NF1: variants seen among roughly 807,000 people sequenced by gnomAD.
The protein encoded by NF1 is neurofibromin 1.
Under a neutral mutation model 325.7 loss-of-function variants are expected in NF1, and 122 were observed. The observed-to-expected ratio is 0.37, with a 90% CI of 0.32 to 0.44. The LOEUF (loss-of-function observed/expected upper bound fraction) is 0.44, where lower values mean the gene tolerates loss of function less well. NF1 is among the 20% of genes least tolerant of loss of function. NF1 has a pLI of 1.00. For missense variants in NF1, 2,140 were observed against 3,415.4 expected (o/e 0.63, Z 9.31); for synonymous variants, 1,091 against 1,186.0 (o/e 0.92, Z 1.65).
chr17:31,305,670 G>A (rs748094180), intron 36 of NF1: 20 of 1,516,382 alleles, frequency 1.3e-5, no homozygotes, highest in East Asian at 4.5e-5. Context: ...ACAGTTAGGC[G>A]TCATTGGTGT....
chr17:31,154,121 G>A (rs939586749), intron 1 of NF1, among the ~76,000 whole-genome samples: 3 of 133,314 alleles, frequency 2.3e-5, no homozygotes, highest in Non-Finnish European at 4.6e-5. Flanking sequence ...GCAGTGGTGC[G>A]ATCTCAGCTC....
intron 11 of NF1, among the ~76,000 whole-genome samples, chr17:31,203,132 G>A (rs2066559737): frequency 6.6e-6 from 1 of 152,148 alleles, no homozygotes; most frequent in Non-Finnish European, 1.5e-5. Flanking sequence ...TGGCACTGCT[G>A]TAAGTGGCTG....
rs180817786 is a variant in NF1, at chr17:31,305,291, T to C, written c.4836-20529T>C. 4.8e-5 allele frequency: 78 copies of C among 1,614,128 alleles called. No individual in the cohort carries two copies. The East Asian group carries it at 9.1e-4, about 19-fold the overall frequency. ...GTGTTGGCTATTGGTGTTGGTTGTT[T>C]GGTGTTGTAGGCAAGTGGTTGTCCA... On this transcript the variant is annotated intron_variant, in intron 36 of 57. Coordinates refer to ENST00000358273, the MANE Select transcript of NF1 (RefSeq NM_001042492.3).
At chr17:31,184,973 G>A (rs1035533021) in intron 8 of NF1, among the ~76,000 whole-genome samples, 1 of 152,154 alleles carries the variant, frequency 6.6e-6, no homozygotes, top group Non-Finnish European at 1.5e-5. Context: ...TGAAGCTGGG[G>A]ACTCTGAGTT....
At chr17:31,319,211 A>G (rs2069113612) in intron 36 of NF1, among the ~76,000 whole-genome samples, 1 of 152,202 alleles carries the variant, frequency 6.6e-6, no homozygotes, top group South Asian at 2.1e-4. Context: ...GAAGCATTTT[A>G]ATTTCTATTA....
rs2144026520 is a variant in NF1, at chr17:31,225,152, C to T, written c.1903C>T (p.Pro635Ser). ...TTTTTACGGGGTAGGATGTGATATT[C>T]CTTCTAGTGGAAATACCAGTCAAAT... is the stretch of plus-strand genomic sequence containing the variant. ...LLFYGVGCDI[P>S]SSGNTSQMSM... is the part of the protein sequence containing the mutation. Residue 635 changes from proline (P) to serine (S), a missense_variant, in exon 17 of 58, where the codon CCT becomes TCT. Pro to Ser is a moderately conservative substitution (Grantham distance 74). Transcript: ENST00000358273. 6.2e-7 allele frequency: 1 copy of T among 1,613,580 alleles called. No individual in the cohort carries two copies.
At chr17:31,222,642 A>G (rs2066945843) in intron 15 of NF1, 1 of 528,102 alleles carries the variant, frequency 1.9e-6, no homozygotes, top group Non-Finnish European at 2.5e-6. Context: ...GAAGCAGGTA[A>G]AATTAATTGT....
chr17:31,304,555 C>G, intron 36 of NF1: 1 of 1,614,178 alleles, frequency 6.2e-7, no homozygotes, highest in Non-Finnish European at 8.5e-7. Context: ...AGATTGGTTA[C>G]TTTCCTGTCC....
At position 31,243,214 on chromosome 17, in the gene NF1, T is replaced by TGTGTGTGTGTGTGTGTGTGTGTGTGTG. The variant is rs1369781933; in HGVS notation, c.3975-5769_3975-5768insTGTGTGTGTGTGTGTGTGTGTGTGTGG. Among the ~76,000 whole-genome samples, 201 of 70,544 alleles carry TGTGTGTGTGTGTGTGTGTGTGTGTGTG rather than the reference T, an allele frequency of 2.8e-3. 1 individual carries two copies. The highest frequency in any genetic ancestry group is 0.012 in the African/African-American group (191 of 16,370). 46.3% of individuals were successfully genotyped at this position (70,544 alleles called of 152,430 possible). The stretch of plus-strand genomic sequence containing the variant: ...TGTGTGTGTGTGTGTGTGTGTGTGT[T>TGTGTGTGTGTGTGTGTGTGTGTGTGTG]GAGCTGCCTGGAGCTGGGGGAGGGG... On this transcript the variant is annotated intron_variant, in intron 29 of 57. Coordinates refer to ENST00000358273, the MANE Select transcript of NF1 (RefSeq NM_001042492.3).
chr17:31,200,345 A>C lies in NF1; in HGVS notation c.889-77A>C, dbSNP rs2066503662. On this transcript the variant is annotated intron_variant, in intron 8 of 57. Coordinates refer to ENST00000358273, the MANE Select transcript of NF1 (RefSeq NM_001042492.3). ...ATAGTATGAGTTTTAGAGGCTGTTA[A>C]TTTGCTATAATATTAGCTACATCTG... 11 of 1,394,454 alleles carry C rather than the reference A, an allele frequency of 7.9e-6. 2 individuals are homozygous for C. The South Asian group carries it at 1.3e-4, about 17-fold the overall frequency. 86.4% of individuals were successfully genotyped at this position (1,394,454 alleles called of 1,614,324 possible).
chr17:31,120,684 G>T lies in NF1; in HGVS notation c.60+25315G>T, dbSNP rs555480245. 2.6e-5 allele frequency among the ~76,000 whole-genome samples: 4 copies of T among 151,786 alleles called. No homozygotes were observed. The South Asian group carries it at 8.3e-4, about 32-fold the overall frequency. On this transcript the variant is annotated intron_variant, in intron 1 of 57. Transcript: ENST00000358273. ...AGAGAAGGCATCCTTGTCTTGTGCCGGTTTTCAAAGGGAATGCTTCCAGTT... is the reference window on the plus strand; with the variant it reads ...AGAGAAGGCATCCTTGTCTTGTGCCTGTTTTCAAAGGGAATGCTTCCAGTT...
chr17:31,226,057 T>G (rs2067006600), intron 17 of NF1, among the ~76,000 whole-genome samples: 1 of 152,180 alleles, frequency 6.6e-6, no homozygotes, highest in African/African-American at 2.4e-5. Flanking sequence ...CCTCTTTTTT[T>G]GTCATTTCTA....
At chr17:31,242,658 G>A (rs537697435) in intron 29 of NF1, among the ~76,000 whole-genome samples, 2 of 152,024 alleles carry the variant, frequency 1.3e-5, no homozygotes, top group African/African-American at 2.4e-5. Flanking sequence ...CAATCTCTTC[G>A]TTAAATTTAT....
intron 5 of NF1, among the ~76,000 whole-genome samples, chr17:31,170,577 A>G (rs1172940584): frequency 1.3e-5 from 2 of 152,214 alleles, no homozygotes; most frequent in African/African-American, 2.4e-5. Flanking sequence ...TGGGGATATT[A>G]TAACACCTAA....
chr17:31,318,899 T>C, intron 36 of NF1: 2 of 1,614,126 alleles, frequency 1.2e-6, no homozygotes, highest in African/African-American at 1.3e-5. Context: ...GAAGAAGTAC[T>C]GTTAGCCCAC....
At chr17:31,335,710 G>T (rs528430647) in intron 40 of NF1, among the ~76,000 whole-genome samples, 3 of 151,448 alleles carry the variant, frequency 2.0e-5, no homozygotes, top group Non-Finnish European at 4.4e-5. Flanking sequence ...ACTGAGTCTC[G>T]CTCTGTCACC....
chr17:31,280,218 T>TA (rs1356508437), intron 36 of NF1, among the ~76,000 whole-genome samples: 11 of 149,748 alleles, frequency 7.3e-5, no homozygotes, highest in African/African-American at 2.7e-4. Context: ...TAATTTTTTT[T>TA]TTTTTTAAAA....
At chr17:31,371,102 A>G (rs2070628359) in intron 57 of NF1, among the ~76,000 whole-genome samples, 1 of 152,306 alleles carries the variant, frequency 6.6e-6, no homozygotes, top group East Asian at 1.9e-4. Context: ...GCTCTGAATT[A>G]CAGGTATCTA....
intron 47 of NF1, among the ~76,000 whole-genome samples, chr17:31,341,617 G>GTGTGTGTGTGTGTGTGTGTA (rs35130430): frequency 2.0e-4 from 29 of 148,376 alleles, no homozygotes; most frequent in South Asian, 1.1e-3. Context: ...GTGTGTGTGT[G>GTGTGTGTGTGTGTGTGTGTA]TGTACACACA....
Sources: allele counts gnomAD v4.1 joint callset (sites outside exome capture counted in the v4.1 genomes callset), GRCh38; gene constraint gnomAD v4.1.1; transcripts MANE v1.5; gene names NCBI Gene and HGNC (gene_info 2026-07-23, HGNC 2026-07-21).